The following CLDN7 variants were observed in gnomAD, a reference collection of about 807,000 sequenced individuals.
The protein encoded by CLDN7 is claudin 7.
In CLDN7, 15 loss-of-function variants were observed where a neutral mutation model predicts 20.3. That is an observed-to-expected ratio of 0.74 (90% CI 0.49 to 1.14). The LOEUF is 1.14. Ranked by LOEUF, CLDN7 falls within the 50% of genes most tolerant of loss-of-function variation. The pLI, the probability that CLDN7 is intolerant of heterozygous loss-of-function variation, is 0.00. For missense variants in CLDN7, 261 were observed against 274.2 expected (o/e 0.95, Z 0.34); for synonymous variants, 117 against 106.1 (o/e 1.10, Z -0.63).
rs1433492809 is a variant in CLDN7, at chr17:7,262,073, G to A, written c.-30C>T. 2.6e-6 allele frequency: 4 copies of A among 1,525,326 alleles called. No individual in the cohort carries two copies. In the African/African-American group the frequency reaches 5.6e-5, roughly 21 times the overall value. 94.5% of individuals were successfully genotyped at this position (1,525,326 alleles called of 1,614,324 possible). ...GCCCTCAGAAAACACTGGGGGCGCC[G>A]GGCGGGGAGACCCTACAGTAAAACA... On this transcript the variant is annotated 5_prime_UTR_variant, in exon 1 of 4. Transcript: ENST00000360325. This position sits in a 1 kb window ranked among gnomAD's most constrained non-coding sequence, Gnocchi z 6.6.
chr17:7,261,687 C>CCCCCCCCCCCCCAAA, intron 1 of CLDN7, 134 bp downstream of exon 1: 3 of 805,948 alleles, frequency 3.7e-6, no homozygotes, highest in African/African-American at 1.8e-5. Context: ...CCGCCGCCCC[C>CCCCCCCCCCCCCAAA]AGCCGACCAC....
Position 7,260,810 on chromosome 17 carries a change from C to CG in CLDN7, c.388+10dup, listed in dbSNP as rs1477684329. The CG allele has an allele frequency of 1.9e-6, 3 of 1,614,072 alleles. No homozygotes were observed. The highest frequency in any genetic ancestry group is 1.7e-6 in the Non-Finnish European group (2 of 1,180,024). ...CTTGCTCCTCCCAGATGGGAGAACC[C>CG]GGGGGCTCACCTGCCACGATGAAAA... On this transcript the variant is annotated intron_variant, in intron 2 of 3. Coordinates refer to ENST00000360325, the MANE Select transcript of CLDN7 (RefSeq NM_001307.6).
Position 7,262,346 on chromosome 17 carries a change from A to C in CLDN7, c.-303T>G. ...CCCTCCGGGCGCTCTCGGCGACCCTAGGCAAACAAAAGGTGGAGGGGCCGT... is the reference window on the plus strand; with the variant it reads ...CCCTCCGGGCGCTCTCGGCGACCCTCGGCAAACAAAAGGTGGAGGGGCCGT... On this transcript the variant is annotated 5_prime_UTR_variant, in exon 1 of 4. Transcript: ENST00000360325. The surrounding 1 kb of genome is among the most constrained non-coding windows in gnomAD (Gnocchi z 6.6). The C allele has an allele frequency of 7.9e-7, 1 of 1,269,544 alleles. No individual in the cohort carries two copies. Among genetic ancestry groups the C allele is most frequent in the Non-Finnish European group, 1.0e-6 (1 of 999,166 alleles). The allele number at this position is 1,269,544 out of a possible 1,614,324, so 78.6% of individuals were successfully genotyped here.
Position 7,260,441 on chromosome 17 carries a change from T to C in CLDN7, c.569A>G (p.Glu190Gly). 6.2e-7 allele frequency: 1 copy of C among 1,613,636 alleles called. No individual in the cohort carries two copies. Among genetic ancestry groups the C allele is most frequent in the Non-Finnish European group, 8.5e-7 (1 of 1,179,844 alleles). The change falls in exon 4 of 4, where the codon GAG (glutamate) becomes GGG (glycine). Residue 190 changes from glutamate (E) to glycine (G), a missense_variant. By Grantham distance (98) the Glu-to-Gly change is moderately conservative. Transcript: ENST00000360325. Reference protein sequence around the residue: ...ALLSCSCPGNESKAGYRVPRS... With the variant: ...ALLSCSCPGNGSKAGYRVPRS... ...GGGTACACGGTACCCAGCCTTGCTC[T>C]CATTCCCAGGACAGGAACAGGAGAG...
At chr17:7,261,479 G>A (rs2072218075) in intron 1 of CLDN7, among the ~76,000 whole-genome samples, 1 of 152,112 alleles carries the variant, frequency 6.6e-6, no homozygotes, top group African/African-American at 2.4e-5. Flanking sequence ...GCGCCCCGGG[G>A]CCGTTTCTGT....
upstream of CLDN7, chr17:7,262,935 CT>C (rs137931761): frequency 2.0e-5 from 3 of 153,736 alleles, no homozygotes; most frequent in Non-Finnish European, 4.4e-5. The surrounding 1 kb of genome is among the most constrained non-coding windows in gnomAD (Gnocchi z 6.6). Flanking sequence ...CGCTGCTCTC[CT>C]TTTTTTTCCT....
At chr17:7,261,694 C>CCCCAAA in intron 1 of CLDN7, 127 bp downstream of exon 1, 1 of 827,784 alleles carries the variant, frequency 1.2e-6, no homozygotes, top group Non-Finnish European at 1.8e-6. Flanking sequence ...CCCCAGCCGA[C>CCCCAAA]CACTTCCTCG....
Position 7,260,403 on chromosome 17 carries a change from T to C in CLDN7, c.607A>G (p.Lys203Glu). Residue 203 changes from lysine to glutamate, a missense_variant, in exon 4 of 4, where the codon AAG becomes GAG. Lys to Glu is a moderately conservative substitution (Grantham distance 56). Coordinates refer to ENST00000360325, the MANE Select transcript of CLDN7 (RefSeq NM_001307.6). The stretch of plus-strand genomic sequence containing the variant: ...ACATACTCCTTGGAAGAGTTGGACT[T>C]AGGGTAAGAGCGGGGTACACGGTAC... The part of the protein sequence containing the change: ...AGYRVPRSYP[K>E]SNSSKEYV The C allele has an allele frequency of 6.2e-7, 1 of 1,612,388 alleles. No homozygotes were observed. Among genetic ancestry groups the C allele is most frequent in the Non-Finnish European group, 8.5e-7 (1 of 1,179,154 alleles).
In CLDN7 at chr17:7,260,207, G is replaced by T; in HGVS notation, c.*167C>A. On this transcript the variant is annotated 3_prime_UTR_variant, in exon 4 of 4. Transcript: ENST00000360325. The stretch of plus-strand genomic sequence containing the variant: ...CCCTCTTTTTGTCTCTCCCACCAAC[G>T]GCACCCCCCCACCCCCAACCCAAGA... 3.3e-6 allele frequency: 2 copies of T among 598,784 alleles called. No homozygotes were observed. Among genetic ancestry groups the T allele is most frequent in the African/African-American group, 1.9e-5 (1 of 52,848 alleles). 37.1% of individuals were successfully genotyped at this position (598,784 alleles called of 1,614,324 possible).
In CLDN7 at chr17:7,260,913, GTGGCCACAAACA is replaced by G; in HGVS notation, c.284_295del (p.Met95_Ala98del). ...ACAGCGCGTGCACTTCATGCCCATCGTGGCCACAAACATGGCCAGGAAGCCCAGCACCAGGGA... is the reference window on the plus strand; with the variant it reads ...ACAGCGCGTGCACTTCATGCCCATCGTGGCCAGGAAGCCCAGCACCAGGGA... On this transcript the variant is annotated inframe_deletion, in exon 2 of 4. Transcript: ENST00000360325. 6.2e-7 allele frequency: 1 copy of G among 1,614,140 alleles called. No individual in the cohort carries two copies. The highest frequency in any genetic ancestry group is 8.5e-7 in the Non-Finnish European group (1 of 1,180,028).
chr17:7,261,202 G>A, intron 1 of CLDN7: 1 of 627,530 alleles, frequency 1.6e-6, no homozygotes. Context: ...CGCCCTCTCC[G>A]CTCAAGGATC....
At position 7,260,957 on chromosome 17, in the gene CLDN7, C is replaced by A; in HGVS notation, c.252G>T (p.Met84Ile). ...SAALQATRAL[M>I]VVSLVLGFLA... Reference sequence around the variant, plus strand: ...GGAAGCCCAGCACCAGGGAGACCACCATTAGGGCTCGAGTGGCCTGCAAGG... The same window carrying A: ...GGAAGCCCAGCACCAGGGAGACCACAATTAGGGCTCGAGTGGCCTGCAAGG... The change falls in exon 2 of 4, where the codon ATG (methionine) becomes ATT (isoleucine). Residue 84 changes from methionine (M) to isoleucine (I), a missense_variant. Met to Ile is a conservative substitution (Grantham distance 10). This residue lies in a region of CLDN7 where 215 missense variants were observed against 199.6 expected (regional missense o/e 1.08). Transcript: ENST00000360325. The A allele has an allele frequency of 6.2e-7, 1 of 1,613,196 alleles. No homozygotes were observed. The highest frequency in any genetic ancestry group is 8.5e-7 in the Non-Finnish European group (1 of 1,179,982).
chr17:7,261,799 C>G, intron 1 of CLDN7, 22 bp downstream of exon 1: 1 of 1,608,866 alleles, frequency 6.2e-7, no homozygotes, highest in Non-Finnish European at 8.5e-7. Context: ...GCGCGTCCGC[C>G]CCGTCGGTCC....
upstream of CLDN7, chr17:7,262,559 G>A (rs2072243086): frequency 4.6e-6 from 1 of 218,518 alleles, no homozygotes; most frequent in Non-Finnish European, 7.8e-6. The surrounding 1 kb of genome is among the most constrained non-coding windows in gnomAD (Gnocchi z 6.6). Context: ...AGGGGGAGGC[G>A]GGACCGGAGG....
In CLDN7 at chr17:7,260,206, C is replaced by T. The variant is rs2072182165; in HGVS notation, c.*168G>A. 2 of 604,536 alleles carry T rather than the reference C, an allele frequency of 3.3e-6. No individual in the cohort carries two copies. Among genetic ancestry groups the T allele is most frequent in the South Asian group, 2.9e-5 (1 of 34,868 alleles). The allele number at this position is 604,536 out of a possible 1,614,324, so 37.4% of individuals were successfully genotyped here. On this transcript the variant is annotated 3_prime_UTR_variant, in exon 4 of 4. Transcript: ENST00000360325. ...TCCCTCTTTTTGTCTCTCCCACCAA[C>T]GGCACCCCCCCACCCCCAACCCAAG...
upstream of CLDN7, chr17:7,262,532 C>A (rs190323961): frequency 3.4e-5 from 16 of 465,036 alleles, no homozygotes; most frequent in East Asian, 2.5e-3. This position sits in a 1 kb window ranked among gnomAD's most constrained non-coding sequence, Gnocchi z 6.6. Flanking sequence ...GCGGCCCGCG[C>A]GCCCCGGGAG....
Position 7,262,272 on chromosome 17 carries a change from G to A in CLDN7, c.-229C>T, listed in dbSNP as rs2072238757. ...CGCGGCACAGGGAGTAGGATACGCC[G>A]GGAGGGTGGTTCCAGACAAAATTGG... On this transcript the variant is annotated 5_prime_UTR_variant, in exon 1 of 4. Coordinates refer to ENST00000360325, the MANE Select transcript of CLDN7 (RefSeq NM_001307.6). This position sits in a 1 kb window ranked among gnomAD's most constrained non-coding sequence, Gnocchi z 6.6. The A allele has an allele frequency of 8.6e-6, 12 of 1,401,114 alleles. No individual in the cohort carries two copies. In the South Asian group the frequency reaches 1.7e-4, roughly 20 times the overall value. 86.8% of individuals were successfully genotyped at this position (1,401,114 alleles called of 1,614,324 possible).
chr17:7,261,355 G>GA (rs2072213069), intron 1 of CLDN7, among the ~76,000 whole-genome samples: 1 of 152,164 alleles, frequency 6.6e-6, no homozygotes, highest in Non-Finnish European at 1.5e-5. Context: ...GCCCGCTATC[G>GA]AGGCCACCGG....
chr17:7,262,523 CG>C (rs2072242341), upstream of CLDN7: 2 of 534,724 alleles, frequency 3.7e-6, no homozygotes, highest in Non-Finnish European at 4.8e-6. The surrounding 1 kb of genome is among the most constrained non-coding windows in gnomAD (Gnocchi z 6.6). Flanking sequence ...GTCGGGGGCG[CG>C]GCCCGCGCGC....
Sources: gnomAD v4.1 joint callset for allele counts (sites outside exome capture counted in the v4.1 genomes callset) on GRCh38, gnomAD v4.1.1 for gene constraint, gnomAD v4.1.1 regional missense constraint, Gnocchi (gnomAD v3.1) non-coding constraint, MANE v1.5 for transcripts, NCBI Gene and HGNC (gene_info 2026-07-23, HGNC 2026-07-21) for gene names.